The following MTTP variants were observed in gnomAD, a reference collection of about 807,000 sequenced individuals.
The protein encoded by MTTP is microsomal triglyceride transfer protein large subunit.
MTTP carries 49 observed loss-of-function variants against 90.6 expected under a neutral mutation model. The observed-to-expected ratio is 0.54, with a 90% confidence interval of 0.43 to 0.69. The LOEUF is 0.69. Ranked by LOEUF, MTTP falls within the 30% of genes least tolerant of loss-of-function variation. The pLI is 0.00. For synonymous variants in MTTP, 347 were observed against 384.2 expected, an observed-to-expected ratio of 0.90 and a Z score of 1.13; for missense variants, 945 against 1,067.5, an observed-to-expected ratio of 0.89 and a Z score of 1.60.
intron 1 of MTTP, chr4:99,564,319 TTGAAAA>T (rs2110200750): frequency 1.5e-6 from 2 of 1,362,410 alleles, no homozygotes; most frequent in African/African-American, 2.9e-5. Flanking sequence ...TTTTTCTGTG[TTGAAAA>T]TGAGAGAAAA....
At chr4:99,589,468 T>G (rs904515764) in intron 3 of MTTP, among the ~76,000 whole-genome samples, 175 bp from the exon 4 acceptor site, 1 of 152,128 alleles carries the variant, frequency 6.6e-6, no homozygotes, top group African/African-American at 2.4e-5. Context: ...ATTCTGATGG[T>G]CTCAGAGATT....
intron 2 of MTTP, 35 bp from the exon 3 acceptor site, chr4:99,583,339 A>C (rs758592476): frequency 2.5e-6 from 4 of 1,607,948 alleles, no homozygotes; most frequent in Non-Finnish European, 3.4e-6. Context: ...AGATATAGGA[A>C]GTTTTTTTTA....
At chr4:99,585,117 G>A (rs1448617694) in intron 3 of MTTP, among the ~76,000 whole-genome samples, 3 of 152,120 alleles carry the variant, frequency 2.0e-5, no homozygotes, top group Non-Finnish European at 4.4e-5. Flanking sequence ...AAACAAATAA[G>A]ATTATATGGG....
intron 1 of MTTP, among the ~76,000 whole-genome samples, chr4:99,568,841 A>C (rs1302626323): frequency 6.6e-6 from 1 of 152,150 alleles, no homozygotes; most frequent in Non-Finnish European, 1.5e-5. Context: ...CCTTAACCCA[A>C]AGTATAAATT....
At chr4:99,566,589 G>A (rs191406269) in intron 1 of MTTP, among the ~76,000 whole-genome samples, 4 of 152,160 alleles carry the variant, frequency 2.6e-5, no homozygotes, top group African/African-American at 9.7e-5. Flanking sequence ...AAAAGTTCCA[G>A]GAGAGAATAT....
intron 7 of MTTP, chr4:99,595,578 T>C (rs1043474152): frequency 1.5e-4 from 23 of 152,720 alleles, no homozygotes; most frequent in Non-Finnish European, 2.9e-4. Flanking sequence ...AGGGAGATGC[T>C]CTTTCCTTCA....
Position 99,611,020 on chromosome 4 carries a change from G to A in MTTP, c.1770-123G>A, listed in dbSNP as rs144365658. 122 of 971,888 alleles carry A rather than the reference G, an allele frequency of 1.3e-4. No individual in the cohort carries two copies. In the East Asian group the frequency reaches 2.8e-3, roughly 22 times the overall value. 60.2% of individuals were successfully genotyped at this position (971,888 alleles called of 1,614,324 possible). A position where few individuals can be genotyped will look rare whatever the true frequency, so the allele number is the denominator to read the frequency against. ...GCCAGCTGGCACCACCCTGGCTCTT[G>A]GAAAGGCATGAGGAAAATTTGGCTT... On this transcript the variant is annotated intron_variant, in intron 12 of 17. Transcript: ENST00000265517.
At chr4:99,588,497 TATC>T (rs1456630455) in intron 3 of MTTP, among the ~76,000 whole-genome samples, 1 of 152,030 alleles carries the variant, frequency 6.6e-6, no homozygotes, top group Non-Finnish European at 1.5e-5. Flanking sequence ...AAAAGACACT[TATC>T]ATCTCTGTGC....
rs5860584 is a variant in MTTP at position 99,600,447 on chromosome 4, T to TA, written c.1068-108dup. 18,664 of 982,780 alleles carry TA rather than the reference T, an allele frequency of 0.019. 85 individuals carry two copies. Among genetic ancestry groups the TA allele is most frequent in the Non-Finnish European group, 0.022 (14,344 of 655,628 alleles). The allele number at this position is 982,780 out of a possible 1,614,324, so 60.9% of individuals were successfully genotyped here. A position where few individuals can be genotyped will look rare whatever the true frequency, so the allele number is the denominator to read the frequency against. On this transcript the variant is annotated intron_variant, in intron 8 of 17. Coordinates refer to ENST00000265517, the MANE Select transcript of MTTP (RefSeq NM_001386140.1). ...TAATCATTTTTTCATTTGTTCAAATTAAAAAAAAAATCACTTCTTGAGAAA... is the reference window on the plus strand; with the variant it reads ...TAATCATTTTTTCATTTGTTCAAATTAAAAAAAAAAATCACTTCTTGAGAAA...
upstream of MTTP, among the ~76,000 whole-genome samples, chr4:99,571,642 C>T (rs760608446): frequency 6.6e-6 from 1 of 151,778 alleles, no homozygotes; most frequent in Non-Finnish European, 1.5e-5. Flanking sequence ...ACCAAGTTTG[C>T]TTTTGATAAG....
intron 1 of MTTP, among the ~76,000 whole-genome samples, chr4:99,569,609 A>G (rs1165032931): frequency 6.6e-6 from 1 of 152,004 alleles, no homozygotes; most frequent in African/African-American, 2.4e-5. Context: ...TACATTATAC[A>G]ATGTGAGAAA....
intron 10 of MTTP, among the ~76,000 whole-genome samples, chr4:99,606,292 C>T (rs1302041797): frequency 3.3e-5 from 5 of 152,124 alleles, no homozygotes; most frequent in Non-Finnish European, 7.4e-5. Flanking sequence ...TAAGTGAAAA[C>T]AAACACTTTT....
At chr4:99,566,309 AAAAAAG>A in intron 1 of MTTP, among the ~76,000 whole-genome samples, 1 of 151,566 alleles carries the variant, frequency 6.6e-6, no homozygotes, top group African/African-American at 2.4e-5. Flanking sequence ...AAAAAAAAAA[AAAAAAG>A]AAAAATAGGT....
At chr4:99,581,779 C>A (rs756629571) in intron 1 of MTTP, 126 bp from the exon 2 acceptor site, 9 of 917,430 alleles carry the variant, frequency 9.8e-6, no homozygotes, top group Non-Finnish European at 1.6e-5. Context: ...TGAAGTAGCA[C>A]CATGTTTCAA....
intron 15 of MTTP, among the ~76,000 whole-genome samples, chr4:99,615,356 C>A (rs953785012): frequency 1.3e-5 from 2 of 152,212 alleles, no homozygotes; most frequent in Non-Finnish European, 2.9e-5. Flanking sequence ...GACTTGCCTG[C>A]TGGCCATAGT....
At chr4:99,590,615 A>G (rs1011717975) in intron 4 of MTTP, among the ~76,000 whole-genome samples, 1 of 152,142 alleles carries the variant, frequency 6.6e-6, no homozygotes, top group African/African-American at 2.4e-5. Context: ...TTGGACCAAA[A>G]GAATGTTGGT....
At chr4:99,589,900 C>T (rs751471231) in intron 4 of MTTP, 150 bp downstream of exon 4, 2 of 651,084 alleles carry the variant, frequency 3.1e-6, no homozygotes, top group Non-Finnish European at 5.5e-6. Context: ...GAAACAATTG[C>T]CATTTATCCC....
intron 7 of MTTP, 40 bp downstream of exon 7, chr4:99,594,923 C>T: frequency 6.2e-7 from 1 of 1,608,188 alleles, no homozygotes; most frequent in Non-Finnish European, 8.5e-7. Flanking sequence ...TGACATCAGA[C>T]TCTGTTTTCA....
At chr4:99,612,793 G>T in intron 14 of MTTP, 120 bp from the exon 15 acceptor site, 1 of 883,134 alleles carries the variant, frequency 1.1e-6, no homozygotes, top group Non-Finnish European at 1.8e-6. Flanking sequence ...GTTTTTAGCT[G>T]TTGCAAATAT....
Sources: allele counts gnomAD v4.1 joint callset (sites outside exome capture counted in the v4.1 genomes callset), GRCh38; gene constraint gnomAD v4.1.1; transcripts MANE v1.5; gene names NCBI Gene and HGNC (gene_info 2026-07-23, HGNC 2026-07-21).